Variants in LPAR5 observed in about 807,000 individuals in gnomAD.
LPAR5 encodes the protein lysophosphatidic acid receptor 5.
For synonymous variants in LPAR5, 271 were observed against 261.6 expected, an observed-to-expected ratio of 1.04 and a Z score of -0.35; for missense variants, 544 against 521.8, an observed-to-expected ratio of 1.04 and a Z score of -0.41.
rs1374358380 is a variant in LPAR5, at chr12:6,620,574, C to T, written c.675G>A (p.Gln225=). 7 of 1,553,356 alleles carry T rather than the reference C, an allele frequency of 4.5e-6. No individual in the cohort carries two copies. The African/African-American group carries it at 8.2e-5, about 18-fold the overall frequency. ...FWTLARPDAT[Q]SQRRRKTVRL... is the part of the protein sequence containing the mutation. The stretch of plus-strand genomic sequence containing the variant: ...GCACGGTCTTCCGCCGCCGCTGGCT[C>T]TGCGTGGCGTCGGGGCGCGCCAGCG... The change falls in exon 2 of 2, where the codon CAG becomes CAA. Residue 225 remains glutamine (Q), a synonymous_variant. Coordinates refer to ENST00000329858, the MANE Select transcript of LPAR5 (RefSeq NM_020400.6). This position sits in a 1 kb window ranked among gnomAD's most constrained non-coding sequence, Gnocchi z 6.8.
In LPAR5 at chr12:6,619,464, A is replaced by C. The variant is rs1228486721; in HGVS notation, c.*666T>G. On this transcript the variant is annotated 3_prime_UTR_variant, in exon 2 of 2. Transcript: ENST00000329858. ...CTGGAAAAGGGGATGTGATGGAAGAAAGGATAACCTAAAAAGGGTTTGGAC... is the reference window on the plus strand; with the variant it reads ...CTGGAAAAGGGGATGTGATGGAAGACAGGATAACCTAAAAAGGGTTTGGAC... The C allele has an allele frequency of 6.5e-6, 1 of 154,652 alleles. No homozygotes were observed. The highest frequency in any genetic ancestry group is 1.9e-4 in the East Asian group (1 of 5,250). The allele number at this position is 154,652 out of a possible 1,614,324, so 9.6% of individuals were successfully genotyped here. A position where few individuals can be genotyped will look rare whatever the true frequency, so the allele number is the denominator to read the frequency against.
intron 1 of LPAR5, among the ~76,000 whole-genome samples, chr12:6,633,042 T>G (rs1248478832): frequency 6.6e-6 from 1 of 152,202 alleles, no homozygotes; most frequent in Non-Finnish European, 1.5e-5. Context: ...TCTCCCTCCC[T>G]GAGTACTCTG....
rs948546074 is a variant in LPAR5 at position 6,628,753 on chromosome 12, C to T, written c.-217+7154G>A. Among the ~76,000 whole-genome samples the T allele has an allele frequency of 2.0e-5, 3 of 151,980 alleles. 1 individual carries two copies. Among genetic ancestry groups the T allele is most frequent in the African/African-American group, 4.8e-5 (2 of 41,394 alleles). Reference sequence around the variant, plus strand: ...GTTCAAGCGATTCTCCTGCCTCAGCCTCCTTAGTAGCTGGGATTACAGGCA... The same window carrying T: ...GTTCAAGCGATTCTCCTGCCTCAGCTTCCTTAGTAGCTGGGATTACAGGCA... On this transcript the variant is annotated intron_variant, in intron 1 of 1. Transcript: ENST00000329858.
At chr12:6,624,071 G>A (rs1171311347) in intron 1 of LPAR5, among the ~76,000 whole-genome samples, 1 of 152,158 alleles carries the variant, frequency 6.6e-6, no homozygotes, top group Non-Finnish European at 1.5e-5. Flanking sequence ...AAGCAAACTG[G>A]GTTCAGCTTA....
rs1238867184 is a variant in LPAR5, at chr12:6,619,512, C to T, written c.*618G>A. 1 of 163,372 alleles carries T rather than the reference C, an allele frequency of 6.1e-6. No homozygotes were observed. The highest frequency in any genetic ancestry group is 2.4e-5 in the African/African-American group (1 of 41,726). 10.1% of individuals were successfully genotyped at this position (163,372 alleles called of 1,614,324 possible). On this transcript the variant is annotated 3_prime_UTR_variant, in exon 2 of 2. Transcript: ENST00000329858. Reference sequence around the variant, plus strand: ...GACTTGGATGTTGTTGAGGGGGAAACTCTAAGTTAGTTTTGCCTTGCCCCA... The same window carrying T: ...GACTTGGATGTTGTTGAGGGGGAAATTCTAAGTTAGTTTTGCCTTGCCCCA...
intron 1 of LPAR5, among the ~76,000 whole-genome samples, chr12:6,632,292 C>T (rs929277524): frequency 6.6e-6 from 1 of 152,090 alleles, no homozygotes; most frequent in Non-Finnish European, 1.5e-5. Context: ...TCAAATAATT[C>T]ACATCCTGGG....
chr12:6,624,002 C>A (rs1439883174), intron 1 of LPAR5, among the ~76,000 whole-genome samples: 1 of 152,162 alleles, frequency 6.6e-6, no homozygotes, highest in African/African-American at 2.4e-5. Context: ...TACAGAACAA[C>A]ATCCCAGCCT....
intron 1 of LPAR5, among the ~76,000 whole-genome samples, chr12:6,629,798 C>A (rs1390506327): frequency 1.3e-5 from 2 of 151,542 alleles, no homozygotes; most frequent in Admixed American, 1.3e-4. Flanking sequence ...CTGAGGCGGG[C>A]GGATCACCTG....
chr12:6,622,270 T>A (rs1948902320), intron 1 of LPAR5, among the ~76,000 whole-genome samples: 1 of 142,038 alleles, frequency 7.0e-6, no homozygotes, highest in African/African-American at 2.6e-5. Flanking sequence ...CTAAAAAAAA[T>A]ACCAAAAATT....
intron 1 of LPAR5, among the ~76,000 whole-genome samples, chr12:6,622,977 A>G (rs2136240968): frequency 6.6e-6 from 1 of 151,692 alleles, no homozygotes; most frequent in African/African-American, 2.4e-5. Flanking sequence ...AGTGGCCCAC[A>G]CCTGTAATCC....
chr12:6,625,364 G>T (rs371260405), intron 1 of LPAR5, among the ~76,000 whole-genome samples: 10 of 146,324 alleles, frequency 6.8e-5, no homozygotes, highest in Middle Eastern at 3.6e-3. Context: ...GGCGGAGCTT[G>T]CAGTGAGCCG....
At chr12:6,625,825 A>G (rs1420527165) in intron 1 of LPAR5, among the ~76,000 whole-genome samples, 2 of 152,008 alleles carry the variant, frequency 1.3e-5, no homozygotes, top group African/African-American at 4.8e-5. Flanking sequence ...TTTTTGAGAC[A>G]GGGTCTCACT....
At chr12:6,622,315 C>T (rs1293157040) in intron 1 of LPAR5, among the ~76,000 whole-genome samples, 2 of 151,666 alleles carry the variant, frequency 1.3e-5, no homozygotes, top group Admixed American at 6.6e-5. Context: ...GTAATCCCAG[C>T]TACTCAGGGG....
At chr12:6,622,835 G>A (rs767668924) in intron 1 of LPAR5, among the ~76,000 whole-genome samples, 42 of 152,190 alleles carry the variant, frequency 2.8e-4, no homozygotes, top group Admixed American at 1.2e-3. Context: ...TGAGGCTGAG[G>A]TGAGAGAATC....
chr12:6,629,098 G>A (rs1372996899), intron 1 of LPAR5, among the ~76,000 whole-genome samples: 2 of 149,260 alleles, frequency 1.3e-5, no homozygotes, highest in Admixed American at 6.7e-5. Context: ...ACAATGTACC[G>A]GGCACGGTGG....
At chr12:6,634,564 C>T (rs780574389) in intron 1 of LPAR5, among the ~76,000 whole-genome samples, 4 of 151,526 alleles carry the variant, frequency 2.6e-5, no homozygotes, top group Non-Finnish European at 5.9e-5. Flanking sequence ...ACCCAGGAGG[C>T]GGAGTTTGCA....
rs531114361 is a variant in LPAR5 at position 6,622,161 on chromosome 12, C to T, written c.-216-697G>A. On this transcript the variant is annotated intron_variant, in intron 1 of 1. Transcript: ENST00000329858. Reference sequence around the variant, plus strand: ...AAAAATAGCCAGGCGCGGTGGCTCACGCCTGTAATCCCAGCACTTTGGGAG... The same window carrying T: ...AAAAATAGCCAGGCGCGGTGGCTCATGCCTGTAATCCCAGCACTTTGGGAG... Among the ~76,000 whole-genome samples the T allele has an allele frequency of 1.0e-4, 15 of 150,168 alleles. No individual in the cohort carries two copies. The East Asian group carries it at 2.4e-3, about 24-fold the overall frequency.
chr12:6,630,433 CTTTTTTTTTTTTTTTTTTTTTTTTT>C lies in LPAR5; in HGVS notation c.-217+5449_-217+5473del, dbSNP rs34529805. ...GAGTGAACCACTGCACCCAGCCCATCTTTTTTTTTTTTTTTTTTTTTTTTTTTTTTTTTTTTTTTGAGACGGAGTC... is the reference window on the plus strand; with the variant it reads ...GAGTGAACCACTGCACCCAGCCCATCTTTTTTTTTTTTTTGAGACGGAGTC... On this transcript the variant is annotated intron_variant, in intron 1 of 1. Coordinates refer to ENST00000329858, the MANE Select transcript of LPAR5 (RefSeq NM_020400.6). 4.1e-4 allele frequency among the ~76,000 whole-genome samples: 17 copies of C among 41,826 alleles called. 1 individual carries two copies. Among genetic ancestry groups the C allele is most frequent in the Admixed American group, 1.5e-3 (4 of 2,596 alleles). The allele number at this position is 41,826 out of a possible 152,430, so 27.4% of individuals were successfully genotyped here.
intron 1 of LPAR5, among the ~76,000 whole-genome samples, chr12:6,635,565 C>T (rs1205770920): frequency 6.6e-6 from 1 of 152,022 alleles, no homozygotes; most frequent in Non-Finnish European, 1.5e-5. Flanking sequence ...TGTAAACAGT[C>T]CCCAGAGGGC....
Sources: allele counts gnomAD v4.1 joint callset (sites outside exome capture counted in the v4.1 genomes callset), GRCh38; gene constraint gnomAD v4.1.1; non-coding constraint Gnocchi (gnomAD v3.1); transcripts MANE v1.5; gene names NCBI Gene and HGNC (gene_info 2026-07-23, HGNC 2026-07-21).